Variants in DLEC1 observed in about 807,000 individuals in gnomAD.
The protein encoded by DLEC1 is DLEC1 cilia and flagella associated protein, also known as deleted in lung and esophageal cancer protein 1.
In DLEC1, 146 loss-of-function variants were observed where a neutral mutation model predicts 198.1. That is an observed-to-expected ratio of 0.74 (90% CI 0.64 to 0.85). The LOEUF is 0.85. DLEC1 is among the 40% of genes least tolerant of loss of function. DLEC1 has a pLI of 0.00. For synonymous variants in DLEC1, 897 were observed against 866.8 expected, an observed-to-expected ratio of 1.03 and a Z score of -0.61; for missense variants, 2,233 against 2,220.0, an observed-to-expected ratio of 1.01 and a Z score of -0.12.
chr3:38,053,407 G>A (rs964433138), intron 2 of DLEC1, among the ~76,000 whole-genome samples: 12 of 149,012 alleles, frequency 8.1e-5, no homozygotes, highest in East Asian at 5.9e-4. Flanking sequence ...CCGCCGCTCC[G>A]TCTGGGATGT....
At chr3:38,105,093 T>A (rs958215562) in intron 19 of DLEC1, among the ~76,000 whole-genome samples, 2 of 152,206 alleles carry the variant, frequency 1.3e-5, no homozygotes, top group Non-Finnish European at 2.9e-5. Context: ...TTGCACATAT[T>A]TTGTTTCACA....
At chr3:38,088,181 G>T (rs1698562783) in intron 9 of DLEC1, 115 bp from the exon 10 acceptor site, 1 of 877,584 alleles carries the variant, frequency 1.1e-6, no homozygotes, top group South Asian at 1.6e-5. Context: ...GTGACTGGAT[G>T]ATCCTTAAGT....
chr3:38,063,769 C>T (rs1696825742), intron 5 of DLEC1, 72 bp from the exon 6 acceptor site: 2 of 1,069,182 alleles, frequency 1.9e-6, no homozygotes, highest in Non-Finnish European at 2.9e-6. Context: ...TTACATTAAT[C>T]AGTCACTGCC....
In DLEC1 at chr3:38,107,578, T is replaced by A; in HGVS notation, c.2865-6T>A. The A allele has an allele frequency of 6.3e-7, 1 of 1,595,998 alleles. No individual in the cohort carries two copies. Among genetic ancestry groups the A allele is most frequent in the African/African-American group, 1.3e-5 (1 of 74,606 alleles). Reference sequence around the variant, plus strand: ...TCAGTATGCCTTTTGTTTCCTCGTGTTCCAGCTACCTTCCTGTGTATGCTG... The same window carrying A: ...TCAGTATGCCTTTTGTTTCCTCGTGATCCAGCTACCTTCCTGTGTATGCTG... On this transcript the variant is annotated splice_polypyrimidine_tract_variant and splice_region_variant and intron_variant, in intron 19 of 36. Coordinates refer to ENST00000308059, the MANE Select transcript of DLEC1 (RefSeq NM_007335.4).
At chr3:38,092,659 G>A (rs1048334016) in intron 10 of DLEC1, 131 bp from the exon 11 acceptor site, 2 of 812,850 alleles carry the variant, frequency 2.5e-6, no homozygotes, top group African/African-American at 1.7e-5. Flanking sequence ...AGTAAGGTGG[G>A]AGGTGGCAGG....
intron 6 of DLEC1, among the ~76,000 whole-genome samples, chr3:38,079,971 G>T (rs1419353743): frequency 1.3e-5 from 2 of 152,046 alleles, no homozygotes; most frequent in Non-Finnish European, 2.9e-5. Flanking sequence ...GGAGCGGATT[G>T]GGTAATAAAA....
chr3:38,104,393 G>C (rs1473277066), intron 19 of DLEC1, among the ~76,000 whole-genome samples: 1 of 152,164 alleles, frequency 6.6e-6, no homozygotes, highest in African/African-American at 2.4e-5. Flanking sequence ...GGAGGCAGAG[G>C]CTGCAGTGAG....
chr3:38,050,475 T>G (rs1240900483), intron 2 of DLEC1, among the ~76,000 whole-genome samples: 1 of 152,088 alleles, frequency 6.6e-6, no homozygotes. Context: ...AGCCTCAGTC[T>G]GCTTCCACTC....
chr3:38,097,306 C>A (rs1413171554), intron 16 of DLEC1, 31 bp downstream of exon 16: 1 of 1,560,872 alleles, frequency 6.4e-7, no homozygotes, highest in Admixed American at 1.9e-5. Context: ...GGGGTTGTGA[C>A]CTGCCTGGGG....
At chr3:38,119,877 AC>A (rs1457078934) in intron 33 of DLEC1, among the ~76,000 whole-genome samples, 1 of 152,078 alleles carries the variant, frequency 6.6e-6, no homozygotes, top group Non-Finnish European at 1.5e-5. Flanking sequence ...CAGCTCCCAG[AC>A]CCCACCTCCA....
chr3:38,120,976 C>T (rs1464090692), intron 34 of DLEC1, among the ~76,000 whole-genome samples: 2 of 152,226 alleles, frequency 1.3e-5, no homozygotes, highest in Non-Finnish European at 2.9e-5. Context: ...CTGCGAAGGA[C>T]AGCCCTGGGG....
At chr3:38,084,100 C>T (rs7632139) in intron 6 of DLEC1, 58 bp from the exon 7 acceptor site, 126,169 of 1,490,928 alleles carry the variant, frequency 0.085, 6,936 homozygotes, top group African/African-American at 0.24. Flanking sequence ...TCCTGGACAT[C>T]GTATCATTTC....
At chr3:38,063,715 A>G in intron 5 of DLEC1, 126 bp from the exon 6 acceptor site, 1 of 661,102 alleles carries the variant, frequency 1.5e-6, no homozygotes, top group Non-Finnish European at 2.6e-6. Flanking sequence ...CCCCCAACAA[A>G]TGGTATATTG....
At chr3:38,066,512 C>T (rs1697038335) in intron 6 of DLEC1, among the ~76,000 whole-genome samples, 1 of 152,192 alleles carries the variant, frequency 6.6e-6, no homozygotes, top group Non-Finnish European at 1.5e-5. Context: ...TTCTTACTGT[C>T]CTCTACATCT....
chr3:38,105,262 T>C (rs1559451712), intron 19 of DLEC1, among the ~76,000 whole-genome samples: 1 of 136,196 alleles, frequency 7.3e-6, no homozygotes, highest in Non-Finnish European at 1.6e-5. Flanking sequence ...TCTGCTGTTA[T>C]TGTGTAGAGT....
chr3:38,065,508 G>C (rs1696980912), intron 6 of DLEC1, among the ~76,000 whole-genome samples: 1 of 152,242 alleles, frequency 6.6e-6, no homozygotes, highest in South Asian at 2.1e-4. Context: ...AGCTTCAACA[G>C]TTATCTACAT....
intron 6 of DLEC1, 97 bp downstream of exon 6, chr3:38,064,016 T>TTTTTTTC: frequency 1.1e-6 from 1 of 883,282 alleles, no homozygotes; most frequent in Non-Finnish European, 1.7e-6. Context: ...TCTTTTTTTT[T>TTTTTTTC]TTTTTTTTAG....
At chr3:38,057,567 C>T (rs1242758218) in intron 2 of DLEC1, among the ~76,000 whole-genome samples, 1 of 152,064 alleles carries the variant, frequency 6.6e-6, no homozygotes, top group African/African-American at 2.4e-5. Context: ...AAAGAAAATT[C>T]AGGCGGAACA....
intron 6 of DLEC1, among the ~76,000 whole-genome samples, chr3:38,077,596 G>T (rs1239019444): frequency 1.3e-5 from 2 of 152,182 alleles, no homozygotes; most frequent in African/African-American, 4.8e-5. Context: ...ACAAATAAAG[G>T]CTGGTCTGTT....
Sources: allele counts gnomAD v4.1 joint callset (sites outside exome capture counted in the v4.1 genomes callset), GRCh38; gene constraint gnomAD v4.1.1; transcripts MANE v1.5; gene names NCBI Gene and HGNC (gene_info 2026-07-23, HGNC 2026-07-21).